The following DENND2B variants were observed in gnomAD, a reference collection of about 807,000 sequenced individuals.
The protein encoded by DENND2B is DENN domain-containing protein 2B.
Under a neutral mutation model 116.0 loss-of-function variants are expected in DENND2B, and 32 were observed. That is an observed-to-expected ratio of 0.28 (90% confidence interval 0.21 to 0.37). The LOEUF (loss-of-function observed/expected upper bound fraction) is 0.37, where lower values mean the gene tolerates loss of function less well. Among genes scored for constraint, DENND2B ranks in the 10% least tolerant of loss-of-function variants. The probability of loss-of-function intolerance (pLI) is 1.00; values close to 1 mark genes in which losing one functional copy is unlikely to be tolerated. For synonymous variants in DENND2B, 588 were observed against 583.9 expected, an observed-to-expected ratio of 1.01 and a Z score of -0.10; for missense variants, 1,276 against 1,477.7, an observed-to-expected ratio of 0.86 and a Z score of 2.24.
intron 1 of DENND2B, among the ~76,000 whole-genome samples, chr11:8,800,799 T>C (rs2060247478): frequency 6.6e-6 from 1 of 152,156 alleles, no homozygotes; most frequent in Non-Finnish European, 1.5e-5. Flanking sequence ...TTCCCTGAAG[T>C]TGCAAAAGAA....
intron 11 of DENND2B, chr11:8,708,359 A>T: frequency 1.0e-6 from 1 of 983,646 alleles, no homozygotes; most frequent in South Asian, 4.7e-5. Context: ...TGAAAACAAG[A>T]GATGGGAGCT....
intron 1 of DENND2B, chr11:8,785,127 T>G (rs185433614): frequency 6.6e-6 from 1 of 152,222 alleles, no homozygotes; most frequent in East Asian, 1.9e-4. Context: ...TCCATTGAAA[T>G]TAAGCCATCC....
intron 4 of DENND2B, among the ~76,000 whole-genome samples, chr11:8,818,602 A>G (rs1322848222): frequency 6.6e-6 from 1 of 151,052 alleles, no homozygotes; most frequent in Non-Finnish European, 1.5e-5. Flanking sequence ...CCTACCCCCC[A>G]GTACTCCTCA....
chr11:8,766,850 C>T lies in DENND2B; in HGVS notation c.-25-16125G>A, dbSNP rs1014249196. The T allele has an allele frequency of 3.4e-5, 12 of 351,992 alleles. 1 individual carries two copies. Among genetic ancestry groups the T allele is most frequent in the East Asian group, 2.8e-4 (3 of 10,820 alleles). 21.8% of individuals were successfully genotyped at this position (351,992 alleles called of 1,614,324 possible). A position where few individuals can be genotyped will look rare whatever the true frequency, so the allele number is the denominator to read the frequency against. ...AGAATACAGTTATAGAACTGGAATT[C>T]GCTTTTTCATGCTAATTTCCCTGGT... On this transcript the variant is annotated intron_variant, in intron 1 of 19. Transcript: ENST00000313726.
intron 1 of DENND2B, among the ~76,000 whole-genome samples, chr11:8,769,290 T>G (rs1011075678): frequency 6.7e-6 from 1 of 149,790 alleles, no homozygotes; most frequent in Non-Finnish European, 1.5e-5. Context: ...TAGGCTGGAG[T>G]GCAGTGGTGC....
In DENND2B at chr11:8,730,822, A is replaced by ACC; in HGVS notation, c.466_467dup (p.Thr157ValfsTer26). On this transcript the variant is annotated frameshift_variant, in exon 3 of 20. Transcript: ENST00000313726. LOFTEE classifies it high-confidence loss of function. The surrounding 1 kb of genome is among the most constrained non-coding windows in gnomAD (Gnocchi z 4.1). ...GGATGCCCAGGCTGTGGGCGCGGGTACCGGTACGGGTCAGCAAGACGCCCC... is the reference window on the plus strand; with the variant it reads ...GGATGCCCAGGCTGTGGGCGCGGGTACCCCGGTACGGGTCAGCAAGACGCCCC... 6.2e-7 allele frequency: 1 copy of ACC among 1,613,152 alleles called. No homozygotes were observed. The highest frequency in any genetic ancestry group is 2.2e-5 in the East Asian group (1 of 44,840).
chr11:8,821,686 CAT>C (rs1341698339), intron 4 of DENND2B, among the ~76,000 whole-genome samples: 2 of 152,162 alleles, frequency 1.3e-5, no homozygotes, highest in African/African-American at 2.4e-5. Flanking sequence ...AATGTAAAGA[CAT>C]ATGCAAGTGA....
At chr11:8,799,667 C>T (rs1443402920) in intron 1 of DENND2B, among the ~76,000 whole-genome samples, 1 of 147,564 alleles carries the variant, frequency 6.8e-6, no homozygotes, top group Non-Finnish European at 1.5e-5. Flanking sequence ...CAGCCTCAAA[C>T]TCATGGGCTC....
rs147777786 is a variant in DENND2B, at chr11:8,730,536, A to G, written c.754T>C (p.Ser252Pro). The G allele has an allele frequency of 2.5e-6, 4 of 1,613,190 alleles. No individual in the cohort carries two copies. The highest frequency in any genetic ancestry group is 1.1e-5 in the South Asian group (1 of 91,084). The part of the protein sequence containing the change: ...EEGEALPVRD[S>P]FYRLEKRLGR... ...AGCCGTTTCTCCAGCCGGTAGAAAG[A>G]GTCCCGGACAGGGAGCGCCTCTCCC... The change falls in exon 3 of 20, where the codon TCT becomes CCT. Residue 252 changes from serine (S) to proline (P), a missense_variant. This residue lies in a region of DENND2B where 856 missense variants were observed against 846.6 expected (regional missense o/e 1.01). Transcript: ENST00000313726. The surrounding 1 kb of genome is among the most constrained non-coding windows in gnomAD (Gnocchi z 4.1).
intron 4 of DENND2B, among the ~76,000 whole-genome samples, chr11:8,817,612 A>C (rs2061613136): frequency 6.6e-6 from 1 of 152,110 alleles, no homozygotes; most frequent in Non-Finnish European, 1.5e-5. Context: ...CCCTGCAGTG[A>C]AGCAGCTACC....
intron 3 of DENND2B, among the ~76,000 whole-genome samples, chr11:8,850,453 T>A (rs949467404): frequency 8.6e-5 from 13 of 151,474 alleles, no homozygotes; most frequent in Non-Finnish European, 1.3e-4. Context: ...ATGTTCAACA[T>A]CACTAATCAT....
intron 4 of DENND2B, among the ~76,000 whole-genome samples, chr11:8,722,973 C>T (rs1487100283): frequency 1.3e-5 from 2 of 152,202 alleles, no homozygotes; most frequent in Non-Finnish European, 2.9e-5. Flanking sequence ...TGTACTCAGC[C>T]ACCCAAGAGG....
chr11:8,855,325 G>C (rs984570952), intron 3 of DENND2B, among the ~76,000 whole-genome samples: 7 of 151,498 alleles, frequency 4.6e-5, no homozygotes, highest in African/African-American at 1.2e-4. Flanking sequence ...CAATCTAAAG[G>C]CTCAATAAAG....
intron 4 of DENND2B, among the ~76,000 whole-genome samples, chr11:8,725,590 T>A (rs1008582854): frequency 6.6e-6 from 1 of 152,074 alleles, no homozygotes; most frequent in African/African-American, 2.4e-5. Context: ...ACTCCTGACC[T>A]TAGGTGATCC....
intron 4 of DENND2B, among the ~76,000 whole-genome samples, chr11:8,819,519 C>A (rs901625802): frequency 3.3e-5 from 5 of 152,114 alleles, no homozygotes; most frequent in Admixed American, 6.5e-5. Flanking sequence ...ACACATATCA[C>A]CTTAATCAAG....
Position 8,905,129 on chromosome 11 carries a change from C to T in DENND2B, c.-256+5692G>A, listed in dbSNP as rs190560174. On this transcript the variant is annotated intron_variant, in intron 1 of 22. Coordinates refer to the DENND2B transcript ENST00000534127. Reference sequence around the variant, plus strand: ...AATGAAGAACATAGTTGATATACTTCCCAATTTCCAAACTTACTACAAAAC... The same window carrying T: ...AATGAAGAACATAGTTGATATACTTTCCAATTTCCAAACTTACTACAAAAC... 7.2e-5 allele frequency among the ~76,000 whole-genome samples: 11 copies of T among 152,090 alleles called. No homozygotes were observed. In the East Asian group the frequency reaches 1.7e-3, roughly 24 times the overall value.
At chr11:8,844,597 T>C (rs1463711317) in intron 3 of DENND2B, among the ~76,000 whole-genome samples, 1 of 82,152 alleles carries the variant, frequency 1.2e-5, no homozygotes, top group Non-Finnish European at 2.7e-5. Flanking sequence ...AATTTTATCC[T>C]AATATTTATG....
chr11:8,806,013 T>G (rs2060803887), intron 1 of DENND2B, among the ~76,000 whole-genome samples: 1 of 152,156 alleles, frequency 6.6e-6, no homozygotes, highest in Admixed American at 6.5e-5. Flanking sequence ...ACTGTCACCC[T>G]GAGCTCCCTG....
chr11:8,816,974 C>T (rs2061590080), intron 4 of DENND2B, among the ~76,000 whole-genome samples: 1 of 152,132 alleles, frequency 6.6e-6, no homozygotes, highest in South Asian at 2.1e-4. Flanking sequence ...GCTTTGGGAT[C>T]AGACAGAGGT....
Sources: gnomAD v4.1 joint callset for allele counts (sites outside exome capture counted in the v4.1 genomes callset) on GRCh38, gnomAD v4.1.1 for gene constraint, gnomAD v4.1.1 regional missense constraint, Gnocchi (gnomAD v3.1) non-coding constraint, MANE v1.5 for transcripts, NCBI Gene and HGNC (gene_info 2026-07-23, HGNC 2026-07-21) for gene names.